The following ALG12 variants were observed in gnomAD, a reference collection of about 807,000 sequenced individuals.
ALG12 encodes dol-P-Man:Man(7)GlcNAc(2)-PP-Dol alpha-1,6-mannosyltransferase.
Under a neutral mutation model 46.0 loss-of-function variants are expected in ALG12, and 36 were observed. The ratio of observed to expected loss-of-function variants is 0.78; its 90% confidence interval spans 0.60 to 1.03. The LOEUF (loss-of-function observed/expected upper bound fraction) is 1.03. ALG12 is among the 50% of genes least tolerant of loss of function. The probability of loss-of-function intolerance (pLI) is 0.00; values close to 1 mark genes in which losing one functional copy is unlikely to be tolerated. For synonymous variants in ALG12, 326 were observed against 291.6 expected, an observed-to-expected ratio of 1.12 and a Z score of -1.20; for missense variants, 599 against 633.5, an observed-to-expected ratio of 0.95 and a Z score of 0.58.
chr22:49,898,245 C>T (rs1210743281), downstream of ALG12, among the ~76,000 whole-genome samples: 9 of 151,412 alleles, frequency 5.9e-5, no homozygotes, highest in Non-Finnish European at 1.3e-4. Flanking sequence ...TAGGCTTAAG[C>T]GATCCTCCTT....
At chr22:49,904,888 C>T (rs1031763839) in intron 7 of ALG12, among the ~76,000 whole-genome samples, 23 of 152,168 alleles carry the variant, frequency 1.5e-4, no homozygotes, top group Non-Finnish European at 2.1e-4. Flanking sequence ...TACAGGTGCA[C>T]GCCACCATGC....
At chr22:49,873,625 CA>C in the ALG12 span, among the ~76,000 whole-genome samples, 2 of 138,544 alleles carry the variant, frequency 1.4e-5, no homozygotes, top group East Asian at 3.9e-4. Context: ...AGGATTGCCA[CA>C]AACCTCCAAT....
In ALG12 at chr22:49,909,256, GC is replaced by G. The variant is rs1213555780; in HGVS notation, c.755del (p.Ser252ThrfsTer33). 3 of 1,614,138 alleles carry G rather than the reference GC, an allele frequency of 1.9e-6. No individual in the cohort carries two copies. The African/African-American group carries it at 4.0e-5, about 22-fold the overall frequency. On this transcript the variant is annotated frameshift_variant, in exon 6 of 10. Coordinates refer to ENST00000330817, the MANE Select transcript of ALG12 (RefSeq NM_024105.4). LOFTEE classifies it high-confidence loss of function. ...VLWYNTVLNK[S>X]SNWGTSPLLW... Reference sequence around the variant, plus strand: ...CACTGAAGGATACCCCCCAGTTGGAGCTTTTGTTCAGGACAGTGTTGTACCA... The same window carrying G: ...CACTGAAGGATACCCCCCAGTTGGAGTTTTGTTCAGGACAGTGTTGTACCA...
At chr22:49,904,158 C>T (rs375535719) in intron 9 of ALG12, 21 bp downstream of exon 9, 13 of 1,614,076 alleles carry the variant, frequency 8.1e-6, no homozygotes, top group African/African-American at 1.3e-5. Context: ...CTGGGAGGGC[C>T]GTGCTGTGTG....
chr22:49,886,726 G>A, the ALG12 span: 5 of 1,613,344 alleles, frequency 3.1e-6, no homozygotes, highest in Non-Finnish European at 4.2e-6. This position sits in a 1 kb window ranked among gnomAD's most constrained non-coding sequence, Gnocchi z 7.7. Context: ...GGAGGAGGAG[G>A]CGGAGCAGTA....
chr22:49,875,247 T>A, the ALG12 span, among the ~76,000 whole-genome samples: 1 of 151,970 alleles, frequency 6.6e-6, no homozygotes, highest in African/African-American at 2.4e-5. Context: ...CTTTAATGTT[T>A]GGTAGAATTC....
intron 6 of ALG12, 113 bp downstream of exon 6, chr22:49,909,131 T>C: frequency 8.5e-7 from 1 of 1,177,654 alleles, no homozygotes; most frequent in Non-Finnish European, 1.3e-6. Context: ...ATCCTGACCC[T>C]GCAGCCACGC....
the ALG12 span, among the ~76,000 whole-genome samples, chr22:49,881,438 T>A: frequency 2.0e-5 from 3 of 152,210 alleles, no homozygotes; most frequent in East Asian, 5.8e-4. Flanking sequence ...CAGGCTGGAG[T>A]GCAGTGGCAC....
At chr22:49,870,827 G>A in the ALG12 span, among the ~76,000 whole-genome samples, 1 of 151,946 alleles carries the variant, frequency 6.6e-6, no homozygotes, top group Non-Finnish European at 1.5e-5. Context: ...AGGCTCTTTA[G>A]TTAGGTCCCA....
chr22:49,904,301 C>A (rs774294424), intron 8 of ALG12, 36 bp downstream of exon 8: 1 of 1,614,162 alleles, frequency 6.2e-7, no homozygotes, highest in East Asian at 2.2e-5. Flanking sequence ...GCAGTCGGAG[C>A]CACAGCAGTC....
the ALG12 span, among the ~76,000 whole-genome samples, chr22:49,892,740 G>T: frequency 1.3e-5 from 2 of 152,154 alleles, no homozygotes; most frequent in Non-Finnish European, 2.9e-5. Flanking sequence ...GCATCAGGGC[G>T]ATCTGCCTCA....
rs1447337079 is a variant in ALG12 at position 49,901,611 on chromosome 22, TG to T, written c.*2226del. On this transcript the variant is annotated 3_prime_UTR_variant, in exon 10 of 10. Transcript: ENST00000330817. ...GGTGTGTGCACCTGTGCATTGTGTGTGTGCATGCGTGGTGGGTATGTATGGT... is the reference window on the plus strand; with the variant it reads ...GGTGTGTGCACCTGTGCATTGTGTGTTGCATGCGTGGTGGGTATGTATGGT... 6.7e-6 allele frequency: 1 copy of T among 148,350 alleles called. No homozygotes were observed. Among genetic ancestry groups the T allele is most frequent in the Non-Finnish European group, 1.5e-5 (1 of 67,808 alleles). The allele number at this position is 148,350 out of a possible 1,614,324, so 9.2% of individuals were successfully genotyped here.
chr22:49,899,898 C>T (rs191390944), downstream of ALG12, among the ~76,000 whole-genome samples: 194 of 152,196 alleles, frequency 1.3e-3, no homozygotes, highest in African/African-American at 4.5e-3. Context: ...GAAGCTCACA[C>T]CTGTCATCCC....
rs749576773 is a variant in ALG12, at chr22:49,910,622, T to C, written c.296-15A>G. 3 of 1,613,976 alleles carry C rather than the reference T, an allele frequency of 1.9e-6. No individual in the cohort carries two copies. Among genetic ancestry groups the C allele is most frequent in the Admixed American group, 3.3e-5 (2 of 60,028 alleles). On this transcript the variant is annotated splice_polypyrimidine_tract_variant and intron_variant, in intron 3 of 9. Coordinates refer to ENST00000330817, the MANE Select transcript of ALG12 (RefSeq NM_024105.4). ...CACTCCTCTAACTAAACAAAGACAGTGACAGCACCTGAGCCTGCAGTGGAG... is the reference window on the plus strand; with the variant it reads ...CACTCCTCTAACTAAACAAAGACAGCGACAGCACCTGAGCCTGCAGTGGAG...
chr22:49,895,816 T>C (rs772307932), downstream of ALG12, among the ~76,000 whole-genome samples: 2 of 152,168 alleles, frequency 1.3e-5, no homozygotes, highest in East Asian at 1.9e-4. Context: ...CTTCTACTTA[T>C]AAATGTAGTG....
At chr22:49,896,958 A>C (rs2060485667), downstream of ALG12, among the ~76,000 whole-genome samples, 1 of 151,944 alleles carries the variant, frequency 6.6e-6, no homozygotes, top group South Asian at 2.1e-4. Context: ...AAAGTGAAGC[A>C]GAAGAAAATT....
the ALG12 span, among the ~76,000 whole-genome samples, chr22:49,862,239 T>C: frequency 6.6e-6 from 1 of 152,236 alleles, no homozygotes; most frequent in Middle Eastern, 3.2e-3. Context: ...GCCCCAACGC[T>C]TCTGCCGCAA....
Position 49,905,535 on chromosome 22 carries a change from C to T in ALG12, c.993-1029G>A, listed in dbSNP as rs1410495059. On this transcript the variant is annotated intron_variant, in intron 7 of 9. Coordinates refer to ENST00000330817, the MANE Select transcript of ALG12 (RefSeq NM_024105.4). This position sits in a 1 kb window ranked among gnomAD's most constrained non-coding sequence, Gnocchi z 4.9. ...GTTCTCCTCATACCGAGTGAGTTCT[C>T]GAGAGGTCTGCTTGTTTGAAAATGG... Among the ~76,000 whole-genome samples the T allele has an allele frequency of 6.6e-6, 1 of 152,136 alleles. No homozygotes were observed. Among genetic ancestry groups the T allele is most frequent in the Admixed American group, 6.5e-5 (1 of 15,278 alleles).
the ALG12 span, among the ~76,000 whole-genome samples, chr22:49,866,896 A>T: frequency 1.3e-5 from 2 of 152,312 alleles, no homozygotes; most frequent in South Asian, 4.1e-4. Flanking sequence ...GCTCTCGGCA[A>T]ATGCACGTTC....
Sources: gnomAD v4.1 joint callset for allele counts (sites outside exome capture counted in the v4.1 genomes callset) on GRCh38, gnomAD v4.1.1 for gene constraint, Gnocchi (gnomAD v3.1) non-coding constraint, MANE v1.5 for transcripts, NCBI Gene and HGNC (gene_info 2026-07-23, HGNC 2026-07-21) for gene names.